CHODL: variants seen among roughly 807,000 people sequenced by gnomAD.
CHODL encodes chondrolectin.
In CHODL, 29 loss-of-function variants were observed where a neutral mutation model predicts 34.5. The ratio of observed to expected loss-of-function variants is 0.84; its 90% confidence interval spans 0.63 to 1.15. The LOEUF (loss-of-function observed/expected upper bound fraction) is 1.15, where lower values mean the gene tolerates loss of function less well. Among genes scored for constraint, CHODL ranks in the 50% most tolerant of loss-of-function variants. The pLI is 0.00. For missense variants in CHODL, 332 were observed against 332.5 expected, an observed-to-expected ratio of 1.00 and a Z score of 0.01; for synonymous variants, 125 against 116.1, an observed-to-expected ratio of 1.08 and a Z score of -0.49.
At chr21:17,977,364 CTTTTT>C (rs542807552) in intron 1 of CHODL, among the ~76,000 whole-genome samples, 1 of 134,148 alleles carries the variant, frequency 7.5e-6, no homozygotes, top group African/African-American at 2.8e-5. Flanking sequence ...GGCTGTTTTA[CTTTTT>C]TTTTTTTTTT....
At chr21:17,943,673 G>C (rs1023277121) in intron 1 of CHODL, among the ~76,000 whole-genome samples, 1 of 152,150 alleles carries the variant, frequency 6.6e-6, no homozygotes, top group Non-Finnish European at 1.5e-5. Context: ...ATGTAGAAAT[G>C]AACAATATCT....
chr21:17,917,861 T>A (rs1377344384), intron 1 of CHODL, among the ~76,000 whole-genome samples: 1 of 150,394 alleles, frequency 6.6e-6, no homozygotes, highest in Non-Finnish European at 1.5e-5. Context: ...TCTTCTGTTG[T>A]CTCTCTCTGA....
intron 2 of CHODL, among the ~76,000 whole-genome samples, chr21:18,097,042 T>TA (rs1246770767): frequency 6.6e-6 from 1 of 152,092 alleles, no homozygotes; most frequent in Non-Finnish European, 1.5e-5. Flanking sequence ...TTAAAAACCC[T>TA]AAAAAATTGG....
intron 2 of CHODL, among the ~76,000 whole-genome samples, chr21:18,148,687 T>A (rs1393386170): frequency 6.6e-6 from 1 of 152,190 alleles, no homozygotes; most frequent in Non-Finnish European, 1.5e-5. Context: ...CTATACATTT[T>A]ACACTGTATA....
chr21:18,189,504 A>G (rs1276793307), intron 2 of CHODL, among the ~76,000 whole-genome samples: 2 of 152,128 alleles, frequency 1.3e-5, no homozygotes, highest in South Asian at 2.1e-4. Flanking sequence ...TGGGGAGGAC[A>G]TTGATAATTG....
At position 18,112,209 on chromosome 21, in the gene CHODL, TC is replaced by T. The variant is rs571173954; in HGVS notation, c.-45+84239del. 3.6e-4 allele frequency among the ~76,000 whole-genome samples: 55 copies of T among 151,728 alleles called. No individual in the cohort carries two copies. The South Asian group carries it at 3.7e-3, about 10-fold the overall frequency. On this transcript the variant is annotated intron_variant, in intron 2 of 6. Transcript: ENST00000400127. ...TGGCATGAATAACAGTTGTGAAGAGTCAGTTAAGGCTTTATAAAAAAGTGAT... is the reference window on the plus strand; with the variant it reads ...TGGCATGAATAACAGTTGTGAAGAGTAGTTAAGGCTTTATAAAAAAGTGAT...
intron 2 of CHODL, among the ~76,000 whole-genome samples, chr21:18,082,186 G>T (rs2064950593): frequency 1.3e-5 from 2 of 152,070 alleles, no homozygotes; most frequent in Admixed American, 1.3e-4. Flanking sequence ...AAAGTGTGTG[G>T]CACTTCCCCC....
chr21:18,223,124 G>A (rs563143399), intron 2 of CHODL, among the ~76,000 whole-genome samples: 2 of 152,246 alleles, frequency 1.3e-5, no homozygotes, highest in African/African-American at 2.4e-5. Context: ...AATAACATAA[G>A]TGGGAAAAAC....
intron 2 of CHODL, among the ~76,000 whole-genome samples, chr21:18,075,989 T>A (rs1202330243): frequency 6.6e-6 from 1 of 152,208 alleles, no homozygotes; most frequent in African/African-American, 2.4e-5. Context: ...AGACACTGAA[T>A]CTGGAAGCAT....
chr21:17,988,111 A>T (rs959333524), intron 1 of CHODL, among the ~76,000 whole-genome samples: 1 of 152,214 alleles, frequency 6.6e-6, no homozygotes, highest in Non-Finnish European at 1.5e-5. Context: ...AACATAGAGG[A>T]TGAAAAATTC....
At chr21:18,056,778 TA>T (rs2064587387) in intron 2 of CHODL, among the ~76,000 whole-genome samples, 1 of 152,114 alleles carries the variant, frequency 6.6e-6, no homozygotes, top group South Asian at 2.1e-4. Context: ...TCCATGAATG[TA>T]ATATCTTCTC....
At chr21:18,174,161 A>ATATATATATCTTGGTATAT (rs2073276201) in intron 2 of CHODL, among the ~76,000 whole-genome samples, 2 of 85,670 alleles carry the variant, frequency 2.3e-5, no homozygotes, top group African/African-American at 3.3e-5. Context: ...ATATATATAT[A>ATATATATATCTTGGTATAT]AAATCAAGTC....
chr21:17,995,038 G>C (rs992791260), intron 1 of CHODL, among the ~76,000 whole-genome samples: 1 of 152,144 alleles, frequency 6.6e-6, no homozygotes, highest in Non-Finnish European at 1.5e-5. Flanking sequence ...ATGGGCCAGA[G>C]TGCTAGGGAC....
intron 1 of CHODL, among the ~76,000 whole-genome samples, chr21:17,925,289 G>C (rs899991433): frequency 6.6e-6 from 1 of 152,158 alleles, no homozygotes; most frequent in Non-Finnish European, 1.5e-5. Context: ...AGTTTTCACA[G>C]GTTTAAAATT....
At chr21:18,184,722 CA>C (rs1195113354) in intron 2 of CHODL, among the ~76,000 whole-genome samples, 1 of 152,134 alleles carries the variant, frequency 6.6e-6, no homozygotes, top group Non-Finnish European at 1.5e-5. Context: ...TTTAGTACAT[CA>C]GGGGCAGAGG....
intron 2 of CHODL, among the ~76,000 whole-genome samples, chr21:18,179,027 GTTGAT>G (rs1293580994): frequency 6.6e-6 from 1 of 152,114 alleles, no homozygotes; most frequent in African/African-American, 2.4e-5. Context: ...CCTTTCTTCT[GTTGAT>G]AAGAATTAAA....
intron 1 of CHODL, among the ~76,000 whole-genome samples, chr21:17,919,659 G>A (rs982342634): frequency 2.0e-5 from 3 of 152,224 alleles, no homozygotes; most frequent in African/African-American, 7.2e-5. Flanking sequence ...CCACTGTCTC[G>A]GGGATTAACA....
At chr21:18,135,414 A>AT (rs1480967323) in intron 2 of CHODL, among the ~76,000 whole-genome samples, 2 of 152,124 alleles carry the variant, frequency 1.3e-5, no homozygotes, top group Non-Finnish European at 2.9e-5. Flanking sequence ...TACAGAATAC[A>AT]TAAGAACACA....
intron 2 of CHODL, among the ~76,000 whole-genome samples, chr21:18,140,231 G>A (rs2072784755): frequency 6.6e-6 from 1 of 152,130 alleles, no homozygotes; most frequent in African/African-American, 2.4e-5. Flanking sequence ...TTGACCTTTG[G>A]ACAATTTACT....
Sources: gnomAD v4.1 joint callset for allele counts (sites outside exome capture counted in the v4.1 genomes callset) on GRCh38, gnomAD v4.1.1 for gene constraint, MANE v1.5 for transcripts, NCBI Gene and HGNC (gene_info 2026-07-23, HGNC 2026-07-21) for gene names.